Variants in STAB2 observed in about 807,000 individuals in gnomAD.
STAB2 encodes the protein stabilin-2.
Under a neutral mutation model 338.1 loss-of-function variants are expected in STAB2, and 288 were observed. That is an observed-to-expected ratio of 0.85 (90% CI 0.77 to 0.94). The LOEUF (loss-of-function observed/expected upper bound fraction) is 0.94. Among genes scored for constraint, STAB2 ranks in the 40% least tolerant of loss-of-function variants. The pLI, the probability that STAB2 is intolerant of heterozygous loss-of-function variation, is 0.00. For synonymous variants in STAB2, 1,202 were observed against 1,193.3 expected (o/e 1.01, Z -0.15); for missense variants, 3,141 against 3,210.1 (o/e 0.98, Z 0.52).
In STAB2 at chr12:103,759,153, C is replaced by G; in HGVS notation, c.7128C>G (p.Ile2376Met). The G allele has an allele frequency of 6.2e-7, 1 of 1,614,180 alleles. No individual in the cohort carries two copies. Among genetic ancestry groups the G allele is most frequent in the South Asian group, 1.1e-5 (1 of 91,084 alleles). ...CTCAGACCTTGTCTGGGCGGGACAT[C>G]GAGCACCACCTCGCCAATGTCAGCA... Reference protein sequence around the residue: ...GENETLSGRDIEHHLANVSMF... With the variant: ...GENETLSGRDMEHHLANVSMF... The change falls in exon 65 of 69, where the codon ATC (isoleucine) becomes ATG (methionine). Residue 2376 changes from isoleucine to methionine, a missense_variant. Coordinates refer to ENST00000388887, the MANE Select transcript of STAB2 (RefSeq NM_017564.10).
At chr12:103,765,812 GATTA>G (rs1212522542) in intron 68 of STAB2, among the ~76,000 whole-genome samples, 4 of 152,210 alleles carry the variant, frequency 2.6e-5, no homozygotes, top group African/African-American at 7.2e-5. Context: ...GAAGTGCTGG[GATTA>G]CAGGCGCGAG....
chr12:103,684,082 C>A (rs1877174400), intron 26 of STAB2, among the ~76,000 whole-genome samples: 2 of 152,306 alleles, frequency 1.3e-5, no homozygotes, highest in South Asian at 4.1e-4. Context: ...TCCTCTGAGA[C>A]AATGTGACCT....
At chr12:103,735,019 T>C (rs1881998523) in intron 51 of STAB2, among the ~76,000 whole-genome samples, 1 of 152,192 alleles carries the variant, frequency 6.6e-6, no homozygotes, top group Non-Finnish European at 1.5e-5. Context: ...AAGAGTCCAC[T>C]CTACTCCAGG....
intron 36 of STAB2, 96 bp downstream of exon 36, chr12:103,704,710 A>G (rs1879187831): frequency 2.0e-6 from 2 of 981,400 alleles, no homozygotes; most frequent in Non-Finnish European, 3.1e-6. Flanking sequence ...CACTTCCCTC[A>G]TTCCTTCACT....
intron 27 of STAB2, among the ~76,000 whole-genome samples, chr12:103,686,716 C>T (rs1877466189): frequency 6.6e-6 from 1 of 152,168 alleles, no homozygotes; most frequent in African/African-American, 2.4e-5. Flanking sequence ...ATGTGAGATA[C>T]CTCAAACTCC....
chr12:103,702,884 ACTT>A (rs1204473736), intron 34 of STAB2, among the ~76,000 whole-genome samples: 2 of 152,214 alleles, frequency 1.3e-5, no homozygotes, highest in African/African-American at 4.8e-5. Flanking sequence ...ATGTAGAACA[ACTT>A]CTTCCTTTTA....
intron 56 of STAB2, among the ~76,000 whole-genome samples, chr12:103,743,023 C>CTTTTTT (rs34478982): frequency 1.5e-5 from 2 of 134,746 alleles, no homozygotes; most frequent in African/African-American, 2.8e-5. Context: ...ATTTTTTTTT[C>CTTTTTT]TTTTTTTTTT....
chr12:103,756,993 G>GGGA (rs1555254840), intron 63 of STAB2, among the ~76,000 whole-genome samples: 2 of 15,270 alleles, frequency 1.3e-4, no homozygotes, highest in African/African-American at 7.9e-4. Context: ...CAGAAGGAGG[G>GGGA]AAAATATATA....
In STAB2 at chr12:103,739,507, G is replaced by A. The variant is rs760059456; in HGVS notation, c.5754+39G>A. On this transcript the variant is annotated intron_variant, in intron 54 of 68. Transcript: ENST00000388887. Reference sequence around the variant, plus strand: ...CAGTGATAATGTTTGGAGAGCCATAGGTCTGTTTCATTATCAGACCTGTGT... The same window carrying A: ...CAGTGATAATGTTTGGAGAGCCATAAGTCTGTTTCATTATCAGACCTGTGT... The A allele has an allele frequency of 2.0e-6, 3 of 1,476,186 alleles. No individual in the cohort carries two copies. In the African/African-American group the frequency reaches 4.4e-5, roughly 21 times the overall value. 91.4% of individuals were successfully genotyped at this position (1,476,186 alleles called of 1,614,324 possible).
rs531418206 is a variant in STAB2, at chr12:103,734,126, G to A, written c.5460+944G>A. On this transcript the variant is annotated intron_variant, in intron 51 of 68. Transcript: ENST00000388887. ...TATAGGAGCAAGCACGATCATATAG[G>A]AGTAAGCATGATCATATGGGAGCAT... Among the ~76,000 whole-genome samples, 11 of 144,074 alleles carry A rather than the reference G, an allele frequency of 7.6e-5. No individual in the cohort carries two copies. The South Asian group carries it at 2.2e-3, about 29-fold the overall frequency. 94.5% of individuals were successfully genotyped at this position (144,074 alleles called of 152,430 possible).
At chr12:103,602,249 C>T (rs942390608) in intron 3 of STAB2, among the ~76,000 whole-genome samples, 14 of 152,252 alleles carry the variant, frequency 9.2e-5, no homozygotes, top group African/African-American at 2.9e-4. Flanking sequence ...GTTTCTTTCC[C>T]TTGGCATAAT....
At chr12:103,728,538 A>C (rs1346790714) in intron 47 of STAB2, among the ~76,000 whole-genome samples, 1 of 152,258 alleles carries the variant, frequency 6.6e-6, no homozygotes, top group Non-Finnish European at 1.5e-5. Context: ...GTTTCACAAG[A>C]AAATTCTTTT....
chr12:103,669,072 C>T (rs910214745), intron 20 of STAB2: 2 of 276,644 alleles, frequency 7.2e-6, no homozygotes, highest in Non-Finnish European at 1.4e-5. Context: ...TTCCAGATTT[C>T]CCTGAGGCTA....
intron 19 of STAB2, among the ~76,000 whole-genome samples, chr12:103,667,450 A>AT (rs1875223185): frequency 6.6e-6 from 1 of 152,244 alleles, no homozygotes; most frequent in South Asian, 2.1e-4. Context: ...ACCACCTTGT[A>AT]CAAGGTCACA....
chr12:103,715,805 T>G lies in STAB2; in HGVS notation c.4538-10T>G, dbSNP rs1880261640. On this transcript the variant is annotated splice_polypyrimidine_tract_variant and intron_variant, in intron 42 of 68. Transcript: ENST00000388887. ...ATTTCCAGGCCAGATGTTGGCTTTT[T>G]GTTTTAAAGAAATCAACCCGTGTTT... The G allele has an allele frequency of 1.2e-6, 2 of 1,614,062 alleles. No individual in the cohort carries two copies. Among genetic ancestry groups the G allele is most frequent in the Non-Finnish European group, 8.5e-7 (1 of 1,179,942 alleles).
At position 103,675,960 on chromosome 12, in the gene STAB2, G is replaced by A. The variant is rs1038784282; in HGVS notation, c.2585G>A (p.Gly862Glu). Reference protein sequence around the residue: ...CICKAGYEGDGTLCSEMDPCT... With the variant: ...CICKAGYEGDETLCSEMDPCT... ...TGCAAAGCAGGATATGAAGGAGATG[G>A]AACTCTGTGTTCTGAGATGGACCCT... Residue 862 changes from glycine (G) to glutamate (E), a missense_variant, in exon 24 of 69, where the codon GGA becomes GAA. Transcript: ENST00000388887. 7 of 1,613,276 alleles carry A rather than the reference G, an allele frequency of 4.3e-6. No individual in the cohort carries two copies. The Admixed American group carries it at 1.2e-4, about 27-fold the overall frequency.
At chr12:103,591,094 A>C (rs1956791223) in intron 2 of STAB2, 64 bp downstream of exon 2, 1 of 1,599,176 alleles carries the variant, frequency 6.3e-7, no homozygotes, top group Non-Finnish European at 8.5e-7. Flanking sequence ...TGTCTCAAAA[A>C]CTGCAAAGCA....
chr12:103,734,313 G>A (rs535673331), intron 51 of STAB2, among the ~76,000 whole-genome samples: 8 of 150,698 alleles, frequency 5.3e-5, no homozygotes, highest in African/African-American at 1.5e-4. Flanking sequence ...GAACAAGCGC[G>A]ATCATATGGG....
At chr12:103,727,142 G>C in intron 46 of STAB2, 125 bp from the exon 47 acceptor site, 1 of 925,378 alleles carries the variant, frequency 1.1e-6, no homozygotes, top group South Asian at 1.5e-5. Flanking sequence ...ATCCAAGACT[G>C]AAACAGAGGT....
Sources: allele counts gnomAD v4.1 joint callset (sites outside exome capture counted in the v4.1 genomes callset), GRCh38; gene constraint gnomAD v4.1.1; transcripts MANE v1.5; gene names NCBI Gene and HGNC (gene_info 2026-07-23, HGNC 2026-07-21).